COL5A1: variants seen among roughly 807,000 people sequenced by gnomAD.
COL5A1 encodes the protein collagen type V alpha 1 chain, also known as collagen alpha-1(V) chain.
In COL5A1, 16 loss-of-function variants were observed where a neutral mutation model predicts 263.7. The ratio of observed to expected loss-of-function variants is 0.06; its 90% CI spans 0.04 to 0.09. COL5A1 has a LOEUF of 0.09. Ranked by LOEUF, COL5A1 falls within the 10% of genes least tolerant of loss-of-function variation. The pLI is 1.00. For synonymous variants in COL5A1, 1,012 were observed against 1,004.5 expected (o/e 1.01, Z -0.14); for missense variants, 2,036 against 2,540.5 (o/e 0.80, Z 4.27).
chr9:134,768,368 C>T (rs1391349937), intron 24 of COL5A1, 42 bp from the exon 25 acceptor site: 1 of 1,576,812 alleles, frequency 6.3e-7, no homozygotes, highest in African/African-American at 1.3e-5. Context: ...TCAGGTGAGC[C>T]TAGGGAGGGC....
At chr9:134,646,717 C>T (rs111347764) in intron 1 of COL5A1, among the ~76,000 whole-genome samples, 148 of 152,298 alleles carry the variant, frequency 9.7e-4, no homozygotes, top group Non-Finnish European at 1.8e-3. Context: ...AGCTCCACAG[C>T]TGTGGATTAG....
At chr9:134,690,607 C>T (rs1833244989) in intron 1 of COL5A1, among the ~76,000 whole-genome samples, 2 of 152,168 alleles carry the variant, frequency 1.3e-5, no homozygotes, top group South Asian at 4.1e-4. Flanking sequence ...GTCGTCAGAG[C>T]TGGGCTAGCC....
At chr9:134,817,715 C>G (rs369811766) in intron 53 of COL5A1, 63 bp from the exon 54 acceptor site, 2 of 1,508,068 alleles carry the variant, frequency 1.3e-6, no homozygotes, top group Non-Finnish European at 1.8e-6. Context: ...CGCCTGCACC[C>G]GAGCTCGTCC....
intron 44 of COL5A1, among the ~76,000 whole-genome samples, chr9:134,810,904 C>A (rs1358702463): frequency 1.3e-5 from 2 of 152,174 alleles, no homozygotes; most frequent in African/African-American, 4.8e-5. Context: ...GGGCCAAGGG[C>A]ACTGTACCCT....
intron 31 of COL5A1, among the ~76,000 whole-genome samples, chr9:134,787,110 C>T (rs145498640): frequency 7.9e-5 from 12 of 152,336 alleles, no homozygotes; most frequent in African/African-American, 2.6e-4. Context: ...ACCGCAGCAT[C>T]GTCACTGAAT....
rs1202862022 is a variant in COL5A1 at position 134,820,004 on chromosome 9, A to G, written c.4447-112A>G. ...GTTCCCCTTCCAGGGGAGGCTGACC[A>G]TGATGTAAAGCTTCCTGTGCCATGG... On this transcript the variant is annotated intron_variant, in intron 57 of 65. Coordinates refer to ENST00000371817, the MANE Select transcript of COL5A1 (RefSeq NM_000093.5). 7.1e-6 allele frequency: 6 copies of G among 845,246 alleles called. No individual in the cohort carries two copies. The East Asian group carries it at 1.2e-4, about 17-fold the overall frequency. The allele number at this position is 845,246 out of a possible 1,614,324, so 52.4% of individuals were successfully genotyped here. A position where few individuals can be genotyped will look rare whatever the true frequency, so the allele number is the denominator to read the frequency against.
At chr9:134,697,604 C>G (rs960458578) in intron 2 of COL5A1, among the ~76,000 whole-genome samples, 2 of 152,236 alleles carry the variant, frequency 1.3e-5, no homozygotes, top group East Asian at 1.9e-4. Flanking sequence ...GGACGGGGAC[C>G]TGAGTGCTTC....
Position 134,738,271 on chromosome 9 carries a change from C to T in COL5A1, c.1390-203C>T, listed in dbSNP as rs528658776. On this transcript the variant is annotated intron_variant, in intron 9 of 65. Coordinates refer to ENST00000371817, the MANE Select transcript of COL5A1 (RefSeq NM_000093.5). ...TCACTGGCCGCTGGCCCGGGTTGCT[C>T]TTCTGCCAGCGAGTGCCAGGAGGAC... Among the ~76,000 whole-genome samples, 6 of 152,310 alleles carry T rather than the reference C, an allele frequency of 3.9e-5. No individual in the cohort carries two copies. In the East Asian group the frequency reaches 1.2e-3, roughly 30 times the overall value.
intron 39 of COL5A1, among the ~76,000 whole-genome samples, chr9:134,803,764 A>C (rs1588568211): frequency 6.6e-6 from 1 of 152,050 alleles, no homozygotes; most frequent in Middle Eastern, 3.4e-3. Flanking sequence ...AATGGTGTGA[A>C]CTCGGGGGGC....
chr9:134,692,976 G>A (rs568674098), intron 2 of COL5A1, among the ~76,000 whole-genome samples: 3 of 152,312 alleles, frequency 2.0e-5, no homozygotes, highest in African/African-American at 7.2e-5. Flanking sequence ...GGGAGGCTGA[G>A]GCAGGAGAAT....
rs567749192 is a variant in COL5A1 at position 134,794,757 on chromosome 9, G to C, written c.2701-325G>C. Reference sequence around the variant, plus strand: ...AAAGAGAGATGAGGAGGAGGGGAAGGAGGGAGGAAGGAGGAGGAGGGATGT... The same window carrying C: ...AAAGAGAGATGAGGAGGAGGGGAAGCAGGGAGGAAGGAGGAGGAGGGATGT... On this transcript the variant is annotated intron_variant, in intron 32 of 65. Coordinates refer to ENST00000371817, the MANE Select transcript of COL5A1 (RefSeq NM_000093.5). The surrounding 1 kb of genome is among the most constrained non-coding windows in gnomAD (Gnocchi z 4.3). 1.8e-4 allele frequency among the ~76,000 whole-genome samples: 27 copies of C among 152,302 alleles called. 1 individual carries two copies. The East Asian group carries it at 4.8e-3, about 27-fold the overall frequency.
chr9:134,801,384 C>T (rs1838106807), intron 37 of COL5A1, among the ~76,000 whole-genome samples: 2 of 152,360 alleles, frequency 1.3e-5, no homozygotes, highest in South Asian at 4.1e-4. Context: ...GGCACCAAGC[C>T]AACTCAGAAA....
intron 31 of COL5A1, among the ~76,000 whole-genome samples, chr9:134,787,311 G>A (rs1206865946): frequency 6.6e-6 from 1 of 152,204 alleles, no homozygotes; most frequent in Non-Finnish European, 1.5e-5. Flanking sequence ...TCTGAACTGA[G>A]CTCTGTGTCA....
rs763999542 is a variant in COL5A1 at position 134,812,717 on chromosome 9, G to A, written c.3852+5G>A. On this transcript the variant is annotated splice_donor_5th_base_variant and intron_variant, in intron 48 of 65. Transcript: ENST00000371817. ...CCTGGTGCAGTGGGAGAGAAGGTGA[G>A]GCTCGTGCCTGCTCTGGTGGCAGAT... 6.4e-7 allele frequency: 1 copy of A among 1,553,944 alleles called. No homozygotes were observed. Among genetic ancestry groups the A allele is most frequent in the South Asian group, 1.2e-5 (1 of 85,096 alleles).
At chr9:134,748,004 C>CACACAT (rs1835621311) in intron 11 of COL5A1, among the ~76,000 whole-genome samples, 1 of 146,242 alleles carries the variant, frequency 6.8e-6, no homozygotes, top group African/African-American at 2.5e-5. Context: ...CACACATACA[C>CACACAT]ATGCATTCAC....
At chr9:134,813,796 C>T (rs1838632459) in intron 48 of COL5A1, among the ~76,000 whole-genome samples, 187 bp from the exon 49 acceptor site, 1 of 152,260 alleles carries the variant, frequency 6.6e-6, no homozygotes, top group Non-Finnish European at 1.5e-5. Flanking sequence ...CCATCACGTG[C>T]CTGCCACATT....
chr9:134,810,455 C>T (rs915522096), intron 44 of COL5A1, 147 bp downstream of exon 44: 6 of 733,944 alleles, frequency 8.2e-6, no homozygotes, highest in African/African-American at 5.3e-5. Flanking sequence ...CATGTGTGTT[C>T]CCACAACGTG....
chr9:134,819,113 G>C (rs1302019961), intron 57 of COL5A1, 60 bp downstream of exon 57: 23 of 1,558,900 alleles, frequency 1.5e-5, no homozygotes, highest in Non-Finnish European at 1.9e-5. Flanking sequence ...TTGTGGCCGT[G>C]GGTCTCAAAC....
In COL5A1 at chr9:134,677,220, G is replaced by A. The variant is rs1832707977; in HGVS notation, c.110-13692G>A. Among the ~76,000 whole-genome samples, 1 of 152,112 alleles carries A rather than the reference G, an allele frequency of 6.6e-6. No individual in the cohort carries two copies. On this transcript the variant is annotated intron_variant, in intron 1 of 65. Coordinates refer to ENST00000371817, the MANE Select transcript of COL5A1 (RefSeq NM_000093.5). This position sits in a 1 kb window ranked among gnomAD's most constrained non-coding sequence, Gnocchi z 4.4. ...TGAATATTCAGAATAACTTACTTGA[G>A]AGTGGGAAGCCTGAAAGTCCAGCCT...
Sources: gnomAD v4.1 joint callset for allele counts (sites outside exome capture counted in the v4.1 genomes callset) on GRCh38, gnomAD v4.1.1 for gene constraint, Gnocchi (gnomAD v3.1) non-coding constraint, MANE v1.5 for transcripts, NCBI Gene and HGNC (gene_info 2026-07-23, HGNC 2026-07-21) for gene names.